STAG1: variants seen among roughly 807,000 people sequenced by gnomAD.
STAG1 encodes the protein cohesin subunit SA-1.
Under a neutral mutation model 170.9 loss-of-function variants are expected in STAG1, and 26 were observed. That is an observed-to-expected ratio of 0.15 (90% confidence interval 0.11 to 0.21). STAG1 has a LOEUF of 0.21. STAG1 is among the 10% of genes least tolerant of loss of function. The pLI is 1.00. For synonymous variants in STAG1, 514 were observed against 497.7 expected, an observed-to-expected ratio of 1.03 and a Z score of -0.44; for missense variants, 964 against 1,509.5, an observed-to-expected ratio of 0.64 and a Z score of 5.99.
At chr3:136,668,224 G>C (rs1941859344) in intron 1 of STAG1, among the ~76,000 whole-genome samples, 1 of 149,618 alleles carries the variant, frequency 6.7e-6, no homozygotes, top group Non-Finnish European at 1.5e-5. Context: ...AACAGAGTGA[G>C]ACTGTCTCAA....
intron 22 of STAG1, among the ~76,000 whole-genome samples, chr3:136,393,561 C>G (rs1286609380): frequency 1.3e-5 from 2 of 149,202 alleles, no homozygotes; most frequent in Non-Finnish European, 1.5e-5. Context: ...AAGGTAATGA[C>G]AACAACAAAG....
At chr3:136,562,730 G>C (rs534599821) in intron 5 of STAG1, among the ~76,000 whole-genome samples, 5 of 152,176 alleles carry the variant, frequency 3.3e-5, no homozygotes, top group African/African-American at 1.2e-4. Flanking sequence ...TGGGATTGCA[G>C]GCGCCTATCA....
chr3:136,500,198 C>A (rs1240871249), intron 9 of STAG1, 25 bp downstream of exon 9: 3 of 1,434,892 alleles, frequency 2.1e-6, no homozygotes, highest in Non-Finnish European at 2.9e-6. Context: ...GAAAAGCCTT[C>A]AAAATTATTT....
intron 23 of STAG1, among the ~76,000 whole-genome samples, chr3:136,374,631 T>A (rs1258659030): frequency 1.3e-5 from 2 of 149,744 alleles, no homozygotes; most frequent in African/African-American, 4.9e-5. Flanking sequence ...AAAAAAAAAT[T>A]TTTTTTTTTG....
At chr3:136,703,560 T>C (rs555351766) in intron 1 of STAG1, among the ~76,000 whole-genome samples, 1 of 152,318 alleles carries the variant, frequency 6.6e-6, no homozygotes, top group Admixed American at 6.5e-5. Flanking sequence ...TTTTCTTTAC[T>C]GGATTCAGAC....
At chr3:136,455,643 T>C (rs982042456) in intron 13 of STAG1, among the ~76,000 whole-genome samples, 7 of 152,182 alleles carry the variant, frequency 4.6e-5, no homozygotes, top group Admixed American at 2.6e-4. Context: ...ACTCGGCACA[T>C]TGGCCAGTGG....
intron 21 of STAG1, among the ~76,000 whole-genome samples, chr3:136,412,865 CTTTTT>C (rs35801167): frequency 7.1e-6 from 1 of 141,516 alleles, no homozygotes; most frequent in Non-Finnish European, 1.5e-5. Flanking sequence ...ACAATTTTTT[CTTTTT>C]TTTTTTTTTG....
At chr3:136,632,158 T>A (rs1576691027) in intron 1 of STAG1, among the ~76,000 whole-genome samples, 1 of 152,136 alleles carries the variant, frequency 6.6e-6, no homozygotes, top group Non-Finnish European at 1.5e-5. Flanking sequence ...ACATACCAAG[T>A]GATAATCTTT....
intron 13 of STAG1, among the ~76,000 whole-genome samples, chr3:136,458,290 G>A (rs961855075): frequency 2.0e-5 from 3 of 152,004 alleles, no homozygotes; most frequent in South Asian, 2.1e-4. Flanking sequence ...CCAAGTAGCT[G>A]GAATTACAGG....
intron 4 of STAG1, among the ~76,000 whole-genome samples, chr3:136,579,958 A>T (rs978425019): frequency 1.5e-4 from 11 of 73,628 alleles, no homozygotes; most frequent in Admixed American, 9.3e-4. Context: ...TACCATCTGA[A>T]TTTTTTTTTT....
intron 1 of STAG1, among the ~76,000 whole-genome samples, chr3:136,705,681 T>C (rs1457180381): frequency 6.6e-6 from 1 of 152,158 alleles, no homozygotes; most frequent in Non-Finnish European, 1.5e-5. Context: ...TATTGCCATG[T>C]CAGATGTGAC....
chr3:136,468,938 G>C (rs570310095), intron 12 of STAG1, among the ~76,000 whole-genome samples: 25 of 152,060 alleles, frequency 1.6e-4, no homozygotes, highest in South Asian at 6.3e-4. Context: ...ATTCAACAAC[G>C]CTTCATGCTA....
chr3:136,725,493 A>C (rs1044880513), intron 1 of STAG1, among the ~76,000 whole-genome samples: 9 of 152,246 alleles, frequency 5.9e-5, no homozygotes, highest in Admixed American at 3.3e-4. Flanking sequence ...AATCTGTATT[A>C]GCAAGTTAAG....
chr3:136,377,334 C>T (rs1361221712), intron 23 of STAG1, among the ~76,000 whole-genome samples: 2 of 130,032 alleles, frequency 1.5e-5, no homozygotes, highest in Non-Finnish European at 1.6e-5. Context: ...TTGCAGTGAG[C>T]CGAGATTGCG....
rs77791886 is a variant in STAG1, at chr3:136,637,026, C to T, written c.-83-6045G>A. Among the ~76,000 whole-genome samples the T allele has an allele frequency of 5.1e-3, 780 of 152,304 alleles. 3 individuals carry two copies. Among genetic ancestry groups the T allele is most frequent in the Middle Eastern group, 0.01 (3 of 294 alleles). ...AGAGTACCCAAAGAAAAGAAATCCA[C>T]ACAGACATGGGGAAAATGTGCAAAC... On this transcript the variant is annotated intron_variant, in intron 1 of 33. Coordinates refer to ENST00000383202, the MANE Select transcript of STAG1 (RefSeq NM_005862.3).
chr3:136,722,456 G>A (rs1933337859), intron 1 of STAG1, among the ~76,000 whole-genome samples: 1 of 152,138 alleles, frequency 6.6e-6, no homozygotes, highest in African/African-American at 2.4e-5. Flanking sequence ...AACAGATGAG[G>A]TCATCTACTG....
At chr3:136,616,200 C>T (rs948912996) in intron 3 of STAG1, among the ~76,000 whole-genome samples, 4 of 150,826 alleles carry the variant, frequency 2.7e-5, no homozygotes, top group Non-Finnish European at 4.4e-5. Context: ...ACCTGGGAGG[C>T]GGAACTTGCA....
chr3:136,663,717 T>C (rs1412425744), intron 1 of STAG1, among the ~76,000 whole-genome samples: 1 of 152,210 alleles, frequency 6.6e-6, no homozygotes, highest in Non-Finnish European at 1.5e-5. Flanking sequence ...AATGTACTCT[T>C]TGTTCCACCC....
intron 9 of STAG1, among the ~76,000 whole-genome samples, chr3:136,485,430 C>G (rs1403427666): frequency 6.6e-6 from 1 of 152,004 alleles, no homozygotes; most frequent in East Asian, 1.9e-4. Context: ...GCACTCCAGC[C>G]TGGGTGACAG....
Sources: allele counts gnomAD v4.1 joint callset (sites outside exome capture counted in the v4.1 genomes callset), GRCh38; gene constraint gnomAD v4.1.1; transcripts MANE v1.5; gene names NCBI Gene and HGNC (gene_info 2026-07-23, HGNC 2026-07-21).